Variants in PPARGC1B observed in about 807,000 individuals in gnomAD.
PPARGC1B encodes the protein peroxisome proliferator-activated receptor gamma coactivator 1-beta.
Under a neutral mutation model 101.6 loss-of-function variants are expected in PPARGC1B, and 34 were observed. That is an observed-to-expected ratio of 0.33 (90% CI 0.25 to 0.45). The LOEUF (loss-of-function observed/expected upper bound fraction) is 0.45, where lower values mean the gene tolerates loss of function less well. Among genes scored for constraint, PPARGC1B ranks in the 20% least tolerant of loss-of-function variants. The probability of loss-of-function intolerance (pLI) is 1.00; values close to 1 mark genes in which losing one functional copy is unlikely to be tolerated. For missense variants in PPARGC1B, 1,234 were observed against 1,317.6 expected (o/e 0.94, Z 0.98); for synonymous variants, 548 against 539.3 (o/e 1.02, Z -0.22).
intron 1 of PPARGC1B, among the ~76,000 whole-genome samples, chr5:149,816,545 T>G (rs1208066354): frequency 1.3e-5 from 2 of 152,208 alleles, no homozygotes; most frequent in Admixed American, 1.3e-4. Flanking sequence ...TTTGTCTGGT[T>G]TTTGAAGGGA....
At chr5:149,807,095 G>A (rs1757630011) in intron 1 of PPARGC1B, among the ~76,000 whole-genome samples, 1 of 149,834 alleles carries the variant, frequency 6.7e-6, no homozygotes, top group African/African-American at 2.5e-5. Context: ...GAGTAGTTGG[G>A]ACAATAGGCA....
intron 2 of PPARGC1B, among the ~76,000 whole-genome samples, chr5:149,825,571 C>T (rs1758482564): frequency 6.6e-6 from 1 of 152,248 alleles, no homozygotes; most frequent in Non-Finnish European, 1.5e-5. Flanking sequence ...CCTGTAAGTC[C>T]TCACCACATT....
chr5:149,809,111 C>T (rs1167506383), intron 1 of PPARGC1B, among the ~76,000 whole-genome samples: 1 of 137,682 alleles, frequency 7.3e-6, no homozygotes, highest in African/African-American at 2.8e-5. Flanking sequence ...CCCCTATCTC[C>T]ACCTTAGATA....
At chr5:149,825,585 T>C (rs1758483254) in intron 2 of PPARGC1B, among the ~76,000 whole-genome samples, 1 of 152,226 alleles carries the variant, frequency 6.6e-6, no homozygotes, top group African/African-American at 2.4e-5. Flanking sequence ...CCACATTCTT[T>C]TTCTCCATCA....
At chr5:149,856,427 G>A (rs995332074), downstream of PPARGC1B, among the ~76,000 whole-genome samples, 1 of 152,170 alleles carries the variant, frequency 6.6e-6, no homozygotes, top group African/African-American at 2.4e-5. Flanking sequence ...AGCTTCAGGA[G>A]AACAGGCCTG....
intron 2 of PPARGC1B, among the ~76,000 whole-genome samples, chr5:149,822,429 G>T (rs555085240): frequency 3.3e-5 from 5 of 152,158 alleles, no homozygotes; most frequent in Non-Finnish European, 7.4e-5. Context: ...GCTCTCCTGA[G>T]ACTAGACTAG....
At chr5:149,796,073 C>T (rs932157795) in intron 1 of PPARGC1B, among the ~76,000 whole-genome samples, 18 of 152,042 alleles carry the variant, frequency 1.2e-4, no homozygotes, top group African/African-American at 3.1e-4. Context: ...TGGTGGGGGT[C>T]GACCAGTAAC....
intron 1 of PPARGC1B, among the ~76,000 whole-genome samples, chr5:149,810,058 G>A (rs954688959): frequency 3.3e-5 from 5 of 152,220 alleles, no homozygotes; most frequent in South Asian, 2.1e-4. Flanking sequence ...GATGCGGAGA[G>A]GGCAAGCAAC....
At chr5:149,808,034 T>C (rs528548267) in intron 1 of PPARGC1B, among the ~76,000 whole-genome samples, 5 of 152,196 alleles carry the variant, frequency 3.3e-5, no homozygotes, top group Non-Finnish European at 5.9e-5. Flanking sequence ...ATATCCATGC[T>C]GAACAAAATA....
intron 1 of PPARGC1B, among the ~76,000 whole-genome samples, chr5:149,771,006 G>A (rs867371397): frequency 6.6e-5 from 10 of 152,248 alleles, no homozygotes; most frequent in African/African-American, 2.4e-4. Context: ...CTCTGCAGAC[G>A]AGGACCTCAG....
chr5:149,778,578 T>TGGTCACAAG (rs1756481074), intron 1 of PPARGC1B, among the ~76,000 whole-genome samples: 1 of 152,164 alleles, frequency 6.6e-6, no homozygotes, highest in Admixed American at 6.5e-5. Flanking sequence ...GCAGCTCTGA[T>TGGTCACAAG]GGTCACAAGG....
In PPARGC1B at chr5:149,832,713, A is replaced by G. The variant is rs1254477930; in HGVS notation, c.640A>G (p.Thr214Ala). The change falls in exon 5 of 12, where the codon ACA becomes GCA. Residue 214 changes from threonine (T) to alanine (A), a missense_variant. Coordinates refer to ENST00000309241, the MANE Select transcript of PPARGC1B (RefSeq NM_133263.4). This position sits in a 1 kb window ranked among gnomAD's most constrained non-coding sequence, Gnocchi z 4.9. ...PMMQSQSRSCTELHKHLTSAQ... is the reference protein window; with the variant it reads ...PMMQSQSRSCAELHKHLTSAQ... ...GATGCAGTCTCAGAGCCGAAGTTGT[A>G]CAGAACTACATAAGCACCTCACCTC... 1 of 1,586,584 alleles carries G rather than the reference A, an allele frequency of 6.3e-7. No individual in the cohort carries two copies. The highest frequency in any genetic ancestry group is 2.3e-5 in the East Asian group (1 of 44,320).
chr5:149,772,122 G>A (rs1250780978), intron 1 of PPARGC1B: 21 of 1,596,952 alleles, frequency 1.3e-5, no homozygotes, highest in African/African-American at 2.7e-5. Context: ...CCTTGGAGGA[G>A]CCGCCACCAG....
intron 1 of PPARGC1B, among the ~76,000 whole-genome samples, chr5:149,771,451 C>CTT (rs1581034579): frequency 6.6e-6 from 1 of 152,154 alleles, no homozygotes; most frequent in Non-Finnish European, 1.5e-5. Flanking sequence ...AGAGTGATGC[C>CTT]CCTGAAGGGC....
At chr5:149,804,236 G>A (rs553305848) in intron 1 of PPARGC1B, among the ~76,000 whole-genome samples, 19 of 152,274 alleles carry the variant, frequency 1.2e-4, no homozygotes, top group South Asian at 4.1e-4. Context: ...ACACCCTCCC[G>A]TCCTGCAAAG....
At chr5:149,788,749 A>G (rs1024338976) in intron 1 of PPARGC1B, among the ~76,000 whole-genome samples, 1 of 152,218 alleles carries the variant, frequency 6.6e-6, no homozygotes, top group Non-Finnish European at 1.5e-5. Context: ...TGCAGCCATA[A>G]AAAAGGATGA....
chr5:149,772,086 G>A, intron 1 of PPARGC1B: 1 of 1,577,188 alleles, frequency 6.3e-7, no homozygotes, highest in Non-Finnish European at 8.6e-7. Context: ...GGCCTGCTCT[G>A]ATCTGGGTTG....
intron 1 of PPARGC1B, among the ~76,000 whole-genome samples, chr5:149,754,855 C>T (rs1755447781): frequency 7.1e-6 from 1 of 141,742 alleles, no homozygotes; most frequent in South Asian, 2.3e-4. Flanking sequence ...GATCTCAGCT[C>T]ACTGCAACCT....
In PPARGC1B at chr5:149,731,019, G is replaced by A. The variant is rs536442891; in HGVS notation, c.78+599G>A. Among the ~76,000 whole-genome samples, 209 of 152,356 alleles carry A rather than the reference G, an allele frequency of 1.4e-3. 3 individuals are homozygous for A. The highest frequency in any genetic ancestry group is 6.5e-4 in the Non-Finnish European group (44 of 68,036). On this transcript the variant is annotated intron_variant, in intron 1 of 11. Transcript: ENST00000309241. ...TGCGGGCGGAGACAGCGTCTTCCTG[G>A]TTTCGCTATCGGGCGGAGCCCCCTG...
Sources: gnomAD v4.1 joint callset for allele counts (sites outside exome capture counted in the v4.1 genomes callset) on GRCh38, gnomAD v4.1.1 for gene constraint, Gnocchi (gnomAD v3.1) non-coding constraint, MANE v1.5 for transcripts, NCBI Gene and HGNC (gene_info 2026-07-23, HGNC 2026-07-21) for gene names.